KLHL24: variants seen among roughly 807,000 people sequenced by gnomAD.
KLHL24 encodes the protein kelch-like protein 24.
A neutral mutation model predicts 53.4 loss-of-function variants in KLHL24; 29 were observed. The observed-to-expected ratio is 0.54, with a 90% CI of 0.40 to 0.74. The LOEUF is 0.74. Among genes scored for constraint, KLHL24 ranks in the 30% least tolerant of loss-of-function variants. The pLI is 0.00. For synonymous variants in KLHL24, 222 were observed against 253.7 expected (o/e 0.88, Z 1.19); for missense variants, 504 against 744.0 (o/e 0.68, Z 3.75).
In KLHL24 at chr3:183,653,466, T is replaced by C. The variant is rs866359161; in HGVS notation, c.920+2190T>C. 2.0e-5 allele frequency among the ~76,000 whole-genome samples: 3 copies of C among 152,218 alleles called. No homozygotes were observed. The South Asian group carries it at 6.2e-4, about 31-fold the overall frequency. ...AAAGACAGGGCTTGACTTTTATTTATGCTGCTGAAGTGGAGTGGCTAGCCA... is the reference window on the plus strand; with the variant it reads ...AAAGACAGGGCTTGACTTTTATTTACGCTGCTGAAGTGGAGTGGCTAGCCA... On this transcript the variant is annotated intron_variant, in intron 3 of 7. Coordinates refer to ENST00000242810, the MANE Select transcript of KLHL24 (RefSeq NM_017644.3).
At chr3:183,647,869 G>A (rs1232675178) in intron 2 of KLHL24, among the ~76,000 whole-genome samples, 1 of 152,050 alleles carries the variant, frequency 6.6e-6, no homozygotes, top group Non-Finnish European at 1.5e-5. Flanking sequence ...AGCCAGGCGC[G>A]GTGGCATGCG....
At chr3:183,636,457 G>C (rs1560140196) in intron 1 of KLHL24, 1 of 152,216 alleles carries the variant, frequency 6.6e-6, no homozygotes, top group East Asian at 1.9e-4. Flanking sequence ...CGCTGCGGCC[G>C]TCCCCGGGGA....
rs1051029596 is a variant in KLHL24, at chr3:183,681,396, A to G, written c.*2110A>G. The stretch of plus-strand genomic sequence containing the variant: ...ACTTCACATAAAAAAAGACTTTCTC[A>G]AGACAACTTTATATTCTAGTATTTT... On this transcript the variant is annotated 3_prime_UTR_variant, in exon 8 of 8. Transcript: ENST00000242810. 6.6e-6 allele frequency: 1 copy of G among 152,222 alleles called. No homozygotes were observed. Among genetic ancestry groups the G allele is most frequent in the Non-Finnish European group, 1.5e-5 (1 of 67,824 alleles). The allele number at this position is 152,222 out of a possible 1,614,324, so 9.4% of individuals were successfully genotyped here. A position where few individuals can be genotyped will look rare whatever the true frequency, so the allele number is the denominator to read the frequency against.
intron 3 of KLHL24, among the ~76,000 whole-genome samples, chr3:183,654,465 A>G (rs777779629): frequency 6.6e-6 from 1 of 151,876 alleles, no homozygotes; most frequent in Non-Finnish European, 1.5e-5. Flanking sequence ...CAAATTTTAT[A>G]TATCTTATTT....
At chr3:183,639,388 T>G (rs1165569319) in intron 1 of KLHL24, among the ~76,000 whole-genome samples, 2 of 152,014 alleles carry the variant, frequency 1.3e-5, no homozygotes, top group Non-Finnish European at 2.9e-5. Context: ...CCCAGCACTT[T>G]GGGAGGCCAA....
chr3:183,670,635 G>C (rs1057291841), intron 5 of KLHL24, among the ~76,000 whole-genome samples: 1 of 152,080 alleles, frequency 6.6e-6, no homozygotes. Flanking sequence ...CCATAAGTGT[G>C]AATATTTAAG....
chr3:183,661,579 A>G (rs937993329), intron 3 of KLHL24, among the ~76,000 whole-genome samples: 1 of 152,224 alleles, frequency 6.6e-6, no homozygotes, highest in Non-Finnish European at 1.5e-5. Context: ...CCTTTCAGAT[A>G]GACACACATT....
At position 183,650,415 on chromosome 3, in the gene KLHL24, C is replaced by T. The variant is rs1717965512; in HGVS notation, c.59C>T (p.Pro20Leu). 6.2e-7 allele frequency: 1 copy of T among 1,613,974 alleles called. No individual in the cohort carries two copies. Among genetic ancestry groups the T allele is most frequent in the Non-Finnish European group, 8.5e-7 (1 of 1,180,026 alleles). Residue 20 changes from proline to leucine, a missense_variant, in exon 3 of 8, where the codon CCA becomes CTA. By Grantham distance (98) the Pro-to-Leu change is moderately conservative. Transcript: ENST00000242810. This position sits in a 1 kb window ranked among gnomAD's most constrained non-coding sequence, Gnocchi z 4.5. The part of the protein sequence containing the change: ...NREDLGVRDS[P>L]ATKRKVFEMD... The stretch of plus-strand genomic sequence containing the variant: ...GAGGATCTTGGGGTGCGTGATTCCC[C>T]AGCAACTAAGCGAAAAGTTTTTGAA...
intron 1 of KLHL24, among the ~76,000 whole-genome samples, chr3:183,641,474 C>CAAA (rs202119480): frequency 0.034 from 2,394 of 70,166 alleles, 180 homozygotes; most frequent in African/African-American, 0.11. Context: ...GAGACTGTCT[C>CAAA]AAAAAAAAAA....
chr3:183,675,398 A>G (rs543884482), intron 7 of KLHL24, among the ~76,000 whole-genome samples: 218 of 152,294 alleles, frequency 1.4e-3, no homozygotes, highest in Non-Finnish European at 2.5e-3. Context: ...GTACAGAATG[A>G]GTATTACGTT....
chr3:183,677,282 C>G (rs76082476), intron 7 of KLHL24, among the ~76,000 whole-genome samples: 10,291 of 152,064 alleles, frequency 0.068, 1,201 homozygotes, highest in African/African-American at 0.24. Flanking sequence ...TACCTGAAAA[C>G]TAAGGTTTTT....
intron 7 of KLHL24, among the ~76,000 whole-genome samples, chr3:183,675,497 A>G (rs1711677074): frequency 6.6e-6 from 1 of 152,230 alleles, no homozygotes; most frequent in African/African-American, 2.4e-5. Flanking sequence ...CCAGCCCTAC[A>G]GAAGCGACAG....
In KLHL24 at chr3:183,635,813, G is replaced by A. The variant is rs1715016737; in HGVS notation, c.-125+20G>A. 1 of 152,420 alleles carries A rather than the reference G, an allele frequency of 6.6e-6. No individual in the cohort carries two copies. Among genetic ancestry groups the A allele is most frequent in the Non-Finnish European group, 1.5e-5 (1 of 68,202 alleles). 9.4% of individuals were successfully genotyped at this position (152,420 alleles called of 1,614,324 possible). Reference sequence around the variant, plus strand: ...GAACCGGTCAGAGTCTGAGTCCTCGGGGGCGGAGGGGCGACGGCGGTCCTG... The same window carrying A: ...GAACCGGTCAGAGTCTGAGTCCTCGAGGGCGGAGGGGCGACGGCGGTCCTG... On this transcript the variant is annotated intron_variant, in intron 1 of 7. Transcript: ENST00000242810.
chr3:183,649,512 G>A (rs1311466792), intron 2 of KLHL24, among the ~76,000 whole-genome samples: 5 of 149,412 alleles, frequency 3.3e-5, no homozygotes, highest in Non-Finnish European at 7.4e-5. Flanking sequence ...TATTTCCTTA[G>A]GAGAGAGTGC....
intron 5 of KLHL24, among the ~76,000 whole-genome samples, chr3:183,665,488 C>T (rs1387322232): frequency 2.0e-5 from 3 of 152,170 alleles, no homozygotes; most frequent in Admixed American, 6.5e-5. Context: ...CGTTGGCTCA[C>T]GCCTGTAATC....
intron 2 of KLHL24, among the ~76,000 whole-genome samples, chr3:183,649,302 C>T (rs1218643772): frequency 2.6e-5 from 4 of 152,100 alleles, no homozygotes; most frequent in African/African-American, 9.7e-5. Context: ...TACTTTTTCA[C>T]TTACTGTGTG....
Position 183,664,962 on chromosome 3 carries a change from C to T in KLHL24, c.1147C>T (p.Gln383Ter). 6.2e-7 allele frequency: 1 copy of T among 1,612,210 alleles called. No individual in the cohort carries two copies. The highest frequency in any genetic ancestry group is 8.5e-7 in the Non-Finnish European group (1 of 1,178,640). ...NSRDVWIYNS[Q>*]LNIWIRVASL... is the part of the protein sequence containing the mutation. ...CCGTGATGTCTGGATTTATAACTCA[C>T]AGTTAAATATTTGGATCAGAGTTGC... The change falls in exon 5 of 8, where the codon CAG (glutamine) becomes TAG (stop). Residue 383 changes from glutamine (Q) to a stop codon, truncating the protein, a stop_gained. Coordinates refer to ENST00000242810, the MANE Select transcript of KLHL24 (RefSeq NM_017644.3). LOFTEE classifies it high-confidence loss of function.
chr3:183,653,621 A>G (rs1376316500), intron 3 of KLHL24, among the ~76,000 whole-genome samples: 1 of 152,260 alleles, frequency 6.6e-6, no homozygotes, highest in Non-Finnish European at 1.5e-5. Context: ...AGAGAAAAAC[A>G]GGAACGTATA....
At chr3:183,644,131 C>A (rs925862369) in intron 2 of KLHL24, 6 of 148,592 alleles carry the variant, frequency 4.0e-5, no homozygotes, top group Admixed American at 3.4e-4. Context: ...ACCTCCGCCT[C>A]CCGGGTTCAA....
Sources: gnomAD v4.1 joint callset for allele counts (sites outside exome capture counted in the v4.1 genomes callset) on GRCh38, gnomAD v4.1.1 for gene constraint, Gnocchi (gnomAD v3.1) non-coding constraint, MANE v1.5 for transcripts, NCBI Gene and HGNC (gene_info 2026-07-23, HGNC 2026-07-21) for gene names.